Variants in SETD2 observed in about 807,000 individuals in gnomAD.
SETD2 encodes the protein histone-lysine N-methyltransferase SETD2.
In SETD2, 31 loss-of-function variants were observed where a neutral mutation model predicts 242.1. The observed-to-expected ratio is 0.13, with a 90% CI of 0.10 to 0.17. The LOEUF (loss-of-function observed/expected upper bound fraction) is 0.17, where lower values mean the gene tolerates loss of function less well. Among genes scored for constraint, SETD2 ranks in the 10% least tolerant of loss-of-function variants. The probability of loss-of-function intolerance (pLI) is 1.00; values close to 1 mark genes in which losing one functional copy is unlikely to be tolerated. For synonymous variants in SETD2, 1,006 were observed against 1,066.5 expected (o/e 0.94, Z 1.11); for missense variants, 2,481 against 3,046.3 (o/e 0.81, Z 4.37).
intron 15 of SETD2, among the ~76,000 whole-genome samples, chr3:47,048,158 A>C (rs940658159): frequency 1.3e-5 from 2 of 152,158 alleles, no homozygotes; most frequent in Admixed American, 6.6e-5. Context: ...GGGAGGCCAA[A>C]GTGGGCGGAT....
chr3:47,112,161 T>C (rs1420169503), intron 5 of SETD2, among the ~76,000 whole-genome samples: 4 of 150,948 alleles, frequency 2.6e-5, no homozygotes, highest in Non-Finnish European at 5.9e-5. Context: ...TCCCCCAGGC[T>C]GGAATGCAGT....
In SETD2 at chr3:47,057,456, T is replaced by G; in HGVS notation, c.6328A>C (p.Ile2110Leu). The change falls in exon 15 of 21, where the codon ATT becomes CTT. Residue 2110 changes from isoleucine to leucine, a missense_variant. Ile to Leu is a conservative substitution (Grantham distance 5). Transcript: ENST00000409792. ...DTPTSKKKVRIKDRNKLSTEE... is the reference protein window; with the variant it reads ...DTPTSKKKVRLKDRNKLSTEE... The stretch of plus-strand genomic sequence containing the variant: ...GTAGAAAGTTTATTGCGGTCTTTAA[T>G]TCGTACTTTCTTTTTAGAAGTTGGT... The G allele has an allele frequency of 6.2e-7, 1 of 1,614,166 alleles. No individual in the cohort carries two copies. Among genetic ancestry groups the G allele is most frequent in the Non-Finnish European group, 8.5e-7 (1 of 1,179,992 alleles).
At chr3:47,021,320 C>T (rs745403740) in intron 18 of SETD2, among the ~76,000 whole-genome samples, 1 of 152,130 alleles carries the variant, frequency 6.6e-6, no homozygotes, top group Admixed American at 6.6e-5. Context: ...TCTCAAAGAT[C>T]TGGGTCCTAT....
chr3:47,069,299 T>C (rs968160230), intron 12 of SETD2, among the ~76,000 whole-genome samples: 3 of 152,032 alleles, frequency 2.0e-5, no homozygotes, highest in Non-Finnish European at 2.9e-5. Context: ...TGAGAAGGAG[T>C]ACCATTCTGA....
intron 15 of SETD2, among the ~76,000 whole-genome samples, chr3:47,053,405 T>C (rs530460141): frequency 1.3e-5 from 2 of 152,288 alleles, no homozygotes; most frequent in Non-Finnish European, 2.9e-5. Context: ...CAACCTAAAA[T>C]GAAAAATTAT....
At chr3:47,098,860 G>A (rs1300011378) in intron 8 of SETD2, among the ~76,000 whole-genome samples, 1 of 152,128 alleles carries the variant, frequency 6.6e-6, no homozygotes, top group Non-Finnish European at 1.5e-5. Flanking sequence ...GGATATGATA[G>A]TGGCAATTAG....
intron 12 of SETD2, among the ~76,000 whole-genome samples, chr3:47,074,302 G>A (rs1423727337): frequency 1.3e-5 from 2 of 152,158 alleles, no homozygotes; most frequent in Non-Finnish European, 2.9e-5. Context: ...TTGCCTCAAG[G>A]AAATCAGATG....
intron 1 of SETD2, among the ~76,000 whole-genome samples, chr3:47,136,079 G>T (rs79441724): frequency 6.6e-6 from 1 of 151,940 alleles, no homozygotes; most frequent in African/African-American, 2.4e-5. Context: ...CTCAAATATA[G>T]CATGGTCAAA....
chr3:47,078,117 T>A (rs944307349), intron 12 of SETD2, among the ~76,000 whole-genome samples: 19 of 152,210 alleles, frequency 1.2e-4, no homozygotes, highest in Admixed American at 1.2e-3. Flanking sequence ...CTAAATCTAA[T>A]GGATACATTT....
rs1559700909 is a variant in SETD2 at position 47,083,784 on chromosome 3, G to C, written c.5996C>G (p.Pro1999Arg). Residue 1999 changes from proline (P) to arginine (R), a missense_variant, in exon 12 of 21, where the codon CCA (proline) becomes CGA (arginine). Pro to Arg is a moderately radical substitution (Grantham distance 103, BLOSUM62 -2). Around this residue, in one of 17 missense-constraint regions of SETD2, gnomAD observed 203 missense variants for 222.4 expected, o/e 0.91. Coordinates refer to ENST00000409792, the MANE Select transcript of SETD2 (RefSeq NM_014159.7). ...ATCACTTATATCCACTGTTTTATCT[G>C]GCTGTTCTTGGCTCCTTTCACTCTC... is the stretch of plus-strand genomic sequence containing the variant. The part of the protein sequence containing the change: ...DVESERSQEQ[P>R]DKTVDISDLA... The C allele has an allele frequency of 6.2e-7, 1 of 1,614,066 alleles. No homozygotes were observed. The highest frequency in any genetic ancestry group is 8.5e-7 in the Non-Finnish European group (1 of 1,179,980).
chr3:47,019,665 G>T, intron 19 of SETD2, 95 bp downstream of exon 19: 3 of 1,063,730 alleles, frequency 2.8e-6, no homozygotes, highest in Non-Finnish European at 2.9e-6. Context: ...TGCCTATCTT[G>T]GGGCAAAGGA....
At chr3:47,126,944 G>T (rs903595605) in intron 1 of SETD2, among the ~76,000 whole-genome samples, 30 of 152,110 alleles carry the variant, frequency 2.0e-4, no homozygotes, top group African/African-American at 7.0e-4. Flanking sequence ...TCACAAAAAA[G>T]AAATTTGTAA....
chr3:47,096,267 C>T (rs994299440), intron 9 of SETD2, among the ~76,000 whole-genome samples: 1 of 152,182 alleles, frequency 6.6e-6, no homozygotes, highest in Non-Finnish European at 1.5e-5. Flanking sequence ...ACACTATAAT[C>T]TCTCTGTGCC....
intron 6 of SETD2, chr3:47,105,701 G>A (rs1375218113): frequency 1.4e-5 from 6 of 440,248 alleles, no homozygotes; most frequent in Non-Finnish European, 2.2e-5. Context: ...TCAGGAGATC[G>A]AGACCAGCCT....
chr3:47,039,745 G>A (rs908000683), intron 17 of SETD2, among the ~76,000 whole-genome samples: 29 of 148,240 alleles, frequency 2.0e-4, no homozygotes, highest in African/African-American at 6.9e-4. Context: ...GTTGGGCATG[G>A]TGGCAGGTGC....
chr3:47,120,605 T>C lies in SETD2; in HGVS notation c.4031A>G (p.Gln1344Arg), dbSNP rs755070193. 7 of 1,613,832 alleles carry C rather than the reference T, an allele frequency of 4.3e-6. No individual in the cohort carries two copies. Among genetic ancestry groups the C allele is most frequent in the African/African-American group, 4.0e-5 (3 of 74,940 alleles). Residue 1344 changes from glutamine to arginine, a missense_variant, in exon 3 of 21, where the codon CAG becomes CGG. Around this residue, in one of 17 missense-constraint regions of SETD2, gnomAD observed 1,300 missense variants for 1,259.2 expected, o/e 1.03. Coordinates refer to ENST00000409792, the MANE Select transcript of SETD2 (RefSeq NM_014159.7). ...DREEEENWDQ[Q>R]DGSHFSDQSD... ...CTGGTCTGAAAAATGGGATCCATCCTGTTGATCCCAATTCTCCTCTTCTTC... is the reference window on the plus strand; with the variant it reads ...CTGGTCTGAAAAATGGGATCCATCCCGTTGATCCCAATTCTCCTCTTCTTC...
chr3:47,074,138 T>A (rs1362345845), intron 12 of SETD2, among the ~76,000 whole-genome samples: 1 of 152,184 alleles, frequency 6.6e-6, no homozygotes, highest in Admixed American at 6.5e-5. Flanking sequence ...AATATGCAGT[T>A]CTGAAAAATA....
chr3:47,155,335 G>A (rs915232669), intron 1 of SETD2, among the ~76,000 whole-genome samples: 1 of 152,146 alleles, frequency 6.6e-6, no homozygotes, highest in Non-Finnish European at 1.5e-5. Context: ...GAAAGATCAT[G>A]ATGCCTGCAA....
intron 15 of SETD2, among the ~76,000 whole-genome samples, chr3:47,047,311 T>C (rs1461263075): frequency 6.6e-6 from 1 of 152,188 alleles, no homozygotes; most frequent in Non-Finnish European, 1.5e-5. Flanking sequence ...TGGAGTTTCA[T>C]AAGAAATAAG....
Sources: gnomAD v4.1 joint callset for allele counts (sites outside exome capture counted in the v4.1 genomes callset) on GRCh38, gnomAD v4.1.1 for gene constraint, gnomAD v4.1.1 regional missense constraint, MANE v1.5 for transcripts, NCBI Gene and HGNC (gene_info 2026-07-23, HGNC 2026-07-21) for gene names.